STRN: variants seen among roughly 807,000 people sequenced by gnomAD.
STRN encodes the protein striatin, also known as protein phosphatase 2 regulatory subunit B'''alpha.
STRN carries 53 observed loss-of-function variants against 96.3 expected under a neutral mutation model. That is an observed-to-expected ratio of 0.55 (90% CI 0.44 to 0.69). STRN has a LOEUF of 0.69. Ranked by LOEUF, STRN falls within the 30% of genes least tolerant of loss-of-function variation. The pLI, the probability that STRN is intolerant of heterozygous loss-of-function variation, is 0.00. For synonymous variants in STRN, 428 were observed against 355.9 expected, an observed-to-expected ratio of 1.20 and a Z score of -2.28; for missense variants, 987 against 963.9, an observed-to-expected ratio of 1.02 and a Z score of -0.32.
intron 15 of STRN, 119 bp downstream of exon 15, chr2:36,855,093 G>T: frequency 9.2e-7 from 1 of 1,084,422 alleles, no homozygotes; most frequent in Non-Finnish European, 1.3e-6. Flanking sequence ...ACTGTGTTCT[G>T]AAAGTTAAGA....
chr2:36,941,409 T>C (rs2148253819), intron 1 of STRN, among the ~76,000 whole-genome samples: 1 of 152,254 alleles, frequency 6.6e-6, no homozygotes, highest in Non-Finnish European at 1.5e-5. Context: ...AAAAAAGTAA[T>C]GTTCAAAGCT....
chr2:36,910,300 A>C (rs1669933367), intron 3 of STRN, among the ~76,000 whole-genome samples: 1 of 146,896 alleles, frequency 6.8e-6, no homozygotes, highest in African/African-American at 2.5e-5. Context: ...ATGGAAACAC[A>C]GATCTACACA....
rs535852805 is a variant in STRN at position 36,905,148 on chromosome 2, T to C, written c.491+392A>G. Among the ~76,000 whole-genome samples the C allele has an allele frequency of 2.0e-4, 30 of 152,238 alleles. No homozygotes were observed. In the South Asian group the frequency reaches 6.2e-3, roughly 32 times the overall value. On this transcript the variant is annotated intron_variant, in intron 4 of 17. Transcript: ENST00000263918. Reference sequence around the variant, plus strand: ...CCACGCCCGGCTAATTTTGTGTTTTTAGTAGAGATGGAGTTTCACCATGTT... The same window carrying C: ...CCACGCCCGGCTAATTTTGTGTTTTCAGTAGAGATGGAGTTTCACCATGTT...
chr2:36,904,486 C>G (rs1021226518), intron 4 of STRN, among the ~76,000 whole-genome samples: 1 of 152,048 alleles, frequency 6.6e-6, no homozygotes, highest in African/African-American at 2.4e-5. Flanking sequence ...GAACCTCAAC[C>G]CATCATTGTT....
At chr2:36,929,888 G>A (rs1670526136) in intron 1 of STRN, among the ~76,000 whole-genome samples, 1 of 152,126 alleles carries the variant, frequency 6.6e-6, no homozygotes, top group South Asian at 2.1e-4. Flanking sequence ...TATAAAGCTT[G>A]ATTAATTTAA....
At chr2:36,871,058 C>T (rs1402860725) in intron 10 of STRN, among the ~76,000 whole-genome samples, 1 of 152,060 alleles carries the variant, frequency 6.6e-6, no homozygotes, top group Non-Finnish European at 1.5e-5. Context: ...TTTTCTACAG[C>T]TATACAATGT....
intron 9 of STRN, among the ~76,000 whole-genome samples, chr2:36,881,489 G>C (rs1486355707): frequency 1.3e-5 from 2 of 152,126 alleles, no homozygotes; most frequent in African/African-American, 4.8e-5. Context: ...AGCACACACA[G>C]CATATGAACA....
At chr2:36,959,115 C>CA (rs931687086) in intron 1 of STRN, among the ~76,000 whole-genome samples, 2 of 151,540 alleles carry the variant, frequency 1.3e-5, no homozygotes, top group African/African-American at 4.8e-5. Context: ...GACTCCATCT[C>CA]AAAAAAAGAA....
At chr2:36,923,050 G>A (rs1420350660) in intron 2 of STRN, among the ~76,000 whole-genome samples, 9 of 151,772 alleles carry the variant, frequency 5.9e-5, no homozygotes, top group African/African-American at 1.5e-4. Flanking sequence ...GCTGAGGCAG[G>A]AGAATTGCTT....
intron 17 of STRN, 33 bp downstream of exon 17, chr2:36,849,681 G>C: frequency 6.2e-7 from 1 of 1,613,534 alleles, no homozygotes; most frequent in African/African-American, 1.3e-5. Flanking sequence ...AAATGGTAAG[G>C]ACAAATAAAT....
At chr2:36,907,807 T>C (rs548957783) in intron 3 of STRN, among the ~76,000 whole-genome samples, 1 of 152,166 alleles carries the variant, frequency 6.6e-6, no homozygotes, top group Admixed American at 6.5e-5. Context: ...AATACATGAA[T>C]AAAAATAAGC....
At chr2:36,879,482 GAACAT>G (rs2148167105) in intron 9 of STRN, among the ~76,000 whole-genome samples, 2 of 152,298 alleles carry the variant, frequency 1.3e-5, no homozygotes, top group East Asian at 3.9e-4. Flanking sequence ...GTAACATTTT[GAACAT>G]AACAATCCAA....
intron 1 of STRN, among the ~76,000 whole-genome samples, chr2:36,931,954 G>A (rs1377200933): frequency 1.3e-5 from 2 of 152,054 alleles, no homozygotes; most frequent in African/African-American, 4.8e-5. Context: ...CCAAGTTGCT[G>A]GGACTATAGG....
chr2:36,963,286 T>C (rs557182974), intron 1 of STRN, among the ~76,000 whole-genome samples: 1 of 152,220 alleles, frequency 6.6e-6, no homozygotes, highest in East Asian at 1.9e-4. Flanking sequence ...GACTGACAGG[T>C]TCTTGAAGAG....
At chr2:36,933,239 T>C (rs1005173745) in intron 1 of STRN, among the ~76,000 whole-genome samples, 1 of 152,142 alleles carries the variant, frequency 6.6e-6, no homozygotes, top group Non-Finnish European at 1.5e-5. Context: ...TTATAAATAA[T>C]CTAGAGATGA....
At chr2:36,887,147 G>A (rs994343845) in intron 7 of STRN, among the ~76,000 whole-genome samples, 14 of 151,316 alleles carry the variant, frequency 9.3e-5, no homozygotes, top group Admixed American at 4.6e-4. Flanking sequence ...AGAACTTCTC[G>A]GCCAGGTGGG....
intron 1 of STRN, among the ~76,000 whole-genome samples, chr2:36,931,673 ATATGT>A (rs761375436): frequency 6.6e-6 from 1 of 152,348 alleles, no homozygotes; most frequent in African/African-American, 2.4e-5. Context: ...TACCAGTAGC[ATATGT>A]TATATTTACT....
chr2:36,854,436 T>G (rs1668294553), intron 15 of STRN, among the ~76,000 whole-genome samples: 1 of 151,868 alleles, frequency 6.6e-6, no homozygotes, highest in Admixed American at 6.6e-5. Flanking sequence ...GAACAACAGG[T>G]TAGGAAGGGA....
chr2:36,954,043 A>C (rs1240126069), intron 1 of STRN, among the ~76,000 whole-genome samples: 1 of 152,142 alleles, frequency 6.6e-6, no homozygotes, highest in African/African-American at 2.4e-5. Flanking sequence ...ACTAAAAATC[A>C]AATTTTTAGG....
Sources: allele counts gnomAD v4.1 joint callset (sites outside exome capture counted in the v4.1 genomes callset), GRCh38; gene constraint gnomAD v4.1.1; transcripts MANE v1.5; gene names NCBI Gene and HGNC (gene_info 2026-07-23, HGNC 2026-07-21).